PPP1CC: variants seen among roughly 807,000 people sequenced by gnomAD.
The protein encoded by PPP1CC is serine/threonine-protein phosphatase PP1-gamma catalytic subunit.
In PPP1CC, 16 loss-of-function variants were observed where a neutral mutation model predicts 38.4. The observed-to-expected ratio is 0.42, with a 90% CI of 0.28 to 0.63. The LOEUF is 0.63. Among genes scored for constraint, PPP1CC ranks in the 30% least tolerant of loss-of-function variants. The pLI is 0.25. For synonymous variants in PPP1CC, 158 were observed against 136.0 expected (o/e 1.16, Z -1.13); for missense variants, 170 against 391.3 (o/e 0.43, Z 4.77).
intron 4 of PPP1CC, among the ~76,000 whole-genome samples, chr12:110,723,708 C>T (rs1012045298): frequency 2.0e-5 from 3 of 152,028 alleles, no homozygotes; most frequent in African/African-American, 7.2e-5. Flanking sequence ...ACAGGGGTCT[C>T]GATATGTTAT....
At chr12:110,730,806 A>C in intron 2 of PPP1CC, 47 bp from the exon 3 acceptor site, 25 of 1,263,584 alleles carry the variant, frequency 2.0e-5, no homozygotes, top group Non-Finnish European at 2.3e-5. Context: ...CTTAAAGCTC[A>C]ATCCACTAAC....
chr12:110,729,528 A>G (rs2069848209), intron 3 of PPP1CC, among the ~76,000 whole-genome samples: 1 of 152,206 alleles, frequency 6.6e-6, no homozygotes, highest in Non-Finnish European at 1.5e-5. Flanking sequence ...TTTTGTCAAT[A>G]GTCAAATCGA....
At chr12:110,731,174 A>G (rs930624479) in intron 2 of PPP1CC, among the ~76,000 whole-genome samples, 2 of 151,702 alleles carry the variant, frequency 1.3e-5, no homozygotes, top group Non-Finnish European at 2.9e-5. Flanking sequence ...ATCTGAACAA[A>G]AGCACATACA....
At chr12:110,733,311 A>T (rs2069902642) in intron 1 of PPP1CC, among the ~76,000 whole-genome samples, 1 of 152,202 alleles carries the variant, frequency 6.6e-6, no homozygotes, top group Non-Finnish European at 1.5e-5. Flanking sequence ...TTTCAACGTG[A>T]ATTTTTTTCA....
At chr12:110,709,487 C>CA in the PPP1CC span, among the ~76,000 whole-genome samples, 1 of 152,000 alleles carries the variant, frequency 6.6e-6, no homozygotes, top group Non-Finnish European at 1.5e-5. Flanking sequence ...CTCGAGCTCC[C>CA]AAAGTGTTGA....
chr12:110,712,635 C>CAAAA, the PPP1CC span, among the ~76,000 whole-genome samples: 4 of 37,662 alleles, frequency 1.1e-4, no homozygotes, highest in South Asian at 3.9e-3. Flanking sequence ...GAAACTGTCT[C>CAAAA]AAAAAAAAAA....
At chr12:110,727,414 C>T (rs958442807) in intron 3 of PPP1CC, among the ~76,000 whole-genome samples, 2 of 152,096 alleles carry the variant, frequency 1.3e-5, no homozygotes, top group Non-Finnish European at 2.9e-5. Flanking sequence ...TACCTCAGAC[C>T]ACTAGGAACA....
At chr12:110,717,049 T>C (rs151258390), downstream of PPP1CC, among the ~76,000 whole-genome samples, 76 of 152,348 alleles carry the variant, frequency 5.0e-4, no homozygotes, top group Middle Eastern at 3.4e-3. Flanking sequence ...CTAATCAAAG[T>C]TCCTGTGTGT....
chr12:110,713,968 G>A, the PPP1CC span, among the ~76,000 whole-genome samples: 8 of 152,126 alleles, frequency 5.3e-5, no homozygotes, highest in African/African-American at 1.4e-4. Context: ...GCGTGGTGGC[G>A]GGCACCTGTA....
chr12:110,730,727 G>A lies in PPP1CC; in HGVS notation c.220C>T (p.Arg74Ter). ...GGGAAACCACCGTACTCAAAAAGTCGCAGCAAATCATAGTATTGTCCATGG... is the reference window on the plus strand; with the variant it reads ...GGGAAACCACCGTACTCAAAAAGTCACAGCAAATCATAGTATTGTCCATGG... The part of the protein sequence containing the change: ...DIHGQYYDLL[R>*]LFEYGGFPPE... Residue 74 changes from arginine (R) to a stop codon, truncating the protein, a stop_gained, in exon 3 of 7, where the codon CGA becomes TGA. Coordinates refer to ENST00000335007, the MANE Select transcript of PPP1CC (RefSeq NM_002710.4). LOFTEE classifies it high-confidence loss of function. The A allele has an allele frequency of 2.5e-6, 4 of 1,613,708 alleles. No homozygotes were observed. Among genetic ancestry groups the A allele is most frequent in the Non-Finnish European group, 2.5e-6 (3 of 1,179,888 alleles).
chr12:110,718,413 A>G (rs1387168285), downstream of PPP1CC, among the ~76,000 whole-genome samples: 2 of 152,238 alleles, frequency 1.3e-5, no homozygotes, highest in Non-Finnish European at 2.9e-5. Flanking sequence ...TATCACACTA[A>G]TAATTACAAC....
chr12:110,741,468 T>C (rs768002270), intron 1 of PPP1CC, among the ~76,000 whole-genome samples: 35 of 152,180 alleles, frequency 2.3e-4, no homozygotes, highest in Non-Finnish European at 5.1e-4. Flanking sequence ...TCTTACAAAG[T>C]CTTGGATAAG....
chr12:110,741,183 G>GT (rs1045132178), intron 1 of PPP1CC, among the ~76,000 whole-genome samples: 85 of 146,656 alleles, frequency 5.8e-4, no homozygotes, highest in African/African-American at 1.9e-3. Flanking sequence ...GACATTTAGT[G>GT]TTTTTTTTGT....
chr12:110,730,302 T>A (rs2069857503), intron 3 of PPP1CC, among the ~76,000 whole-genome samples: 1 of 152,194 alleles, frequency 6.6e-6, no homozygotes, highest in Non-Finnish European at 1.5e-5. Context: ...GAGGTTGCAA[T>A]GAGGTAAGAT....
downstream of PPP1CC, among the ~76,000 whole-genome samples, chr12:110,717,182 T>G (rs1301637822): frequency 6.6e-6 from 1 of 152,174 alleles, no homozygotes; most frequent in African/African-American, 2.4e-5. Context: ...CATCGTTAAG[T>G]ATTCTAGTTA....
chr12:110,727,106 G>C (rs997764571), intron 3 of PPP1CC, among the ~76,000 whole-genome samples: 2 of 152,170 alleles, frequency 1.3e-5, no homozygotes, highest in Non-Finnish European at 2.9e-5. Context: ...GCTAATTTTT[G>C]TATTTTTAAT....
In PPP1CC at chr12:110,720,362, C is replaced by T. The variant is rs753399716; in HGVS notation, c.*714G>A. 8.1e-6 allele frequency: 5 copies of T among 614,416 alleles called. No individual in the cohort carries two copies. Among genetic ancestry groups the T allele is most frequent in the South Asian group, 2.1e-5 (1 of 48,612 alleles). The allele number at this position is 614,416 out of a possible 1,614,324, so 38.1% of individuals were successfully genotyped here. A position where few individuals can be genotyped will look rare whatever the true frequency, so the allele number is the denominator to read the frequency against. On this transcript the variant is annotated 3_prime_UTR_variant, in exon 7 of 7. Coordinates refer to ENST00000335007, the MANE Select transcript of PPP1CC (RefSeq NM_002710.4). ...CAAGAAGGCAGCATGTGTATACAAC[C>T]ATACCACCTTGTACTTAGGGGTGTG...
At chr12:110,732,267 C>T (rs1162425419) in intron 1 of PPP1CC, 2 of 312,400 alleles carry the variant, frequency 6.4e-6, no homozygotes, top group Non-Finnish European at 1.2e-5. Flanking sequence ...AGACCATCCT[C>T]GCCAACATGG....
At chr12:110,711,775 G>C in the PPP1CC span, among the ~76,000 whole-genome samples, 1 of 151,346 alleles carries the variant, frequency 6.6e-6, no homozygotes, top group Non-Finnish European at 1.5e-5. Flanking sequence ...AAAATACAAA[G>C]TTAGCTGGGC....
Sources: gnomAD v4.1 joint callset for allele counts (sites outside exome capture counted in the v4.1 genomes callset) on GRCh38, gnomAD v4.1.1 for gene constraint, MANE v1.5 for transcripts, NCBI Gene and HGNC (gene_info 2026-07-23, HGNC 2026-07-21) for gene names.